The following FAM149A variants were observed in gnomAD, a reference collection of about 807,000 sequenced individuals.
The protein encoded by FAM149A is family with sequence similarity 149 member A.
Under a neutral mutation model 78.2 loss-of-function variants are expected in FAM149A, and 71 were observed. The observed-to-expected ratio is 0.91, with a 90% CI of 0.75 to 1.11. The LOEUF (loss-of-function observed/expected upper bound fraction) is 1.11, where lower values mean the gene tolerates loss of function less well. FAM149A is among the 50% of genes least tolerant of loss of function. FAM149A has a pLI of 0.00. For missense variants in FAM149A, 1,036 were observed against 971.0 expected (o/e 1.07, Z -0.89); for synonymous variants, 446 against 410.5 (o/e 1.09, Z -1.04).
Position 186,144,851 on chromosome 4 carries a change from T to C in FAM149A, c.567-4322T>C, listed in dbSNP as rs1172751274. 7.2e-6 allele frequency: 7 copies of C among 968,268 alleles called. No homozygotes were observed. The highest frequency in any genetic ancestry group is 6.6e-5 in the Admixed American group (1 of 15,076). 60.0% of individuals were successfully genotyped at this position (968,268 alleles called of 1,614,324 possible). Reference sequence around the variant, plus strand: ...GCCGGCGCGGGCGGGGCGGAGGATCTGGAGAGGGAAGGGGCGTGCGAGCCC... The same window carrying C: ...GCCGGCGCGGGCGGGGCGGAGGATCCGGAGAGGGAAGGGGCGTGCGAGCCC... On this transcript the variant is annotated intron_variant, in intron 1 of 13. Coordinates refer to ENST00000389354, the MANE Select transcript of FAM149A (RefSeq NM_001367768.3). This position sits in a 1 kb window ranked among gnomAD's most constrained non-coding sequence, Gnocchi z 4.2.
At chr4:186,154,108 G>T (rs998232130) in intron 5 of FAM149A, among the ~76,000 whole-genome samples, 1 of 152,170 alleles carries the variant, frequency 6.6e-6, no homozygotes, top group South Asian at 2.1e-4. Flanking sequence ...GCCTCCAGGC[G>T]GTGGCAGCAG....
In FAM149A at chr4:186,149,239, G is replaced by T. The variant is rs1035045578; in HGVS notation, c.633G>T (p.Thr211=). 6 of 1,289,040 alleles carry T rather than the reference G, an allele frequency of 4.7e-6. No homozygotes were observed. The highest frequency in any genetic ancestry group is 1.5e-5 in the African/African-American group (1 of 65,796). 79.9% of individuals were successfully genotyped at this position (1,289,040 alleles called of 1,614,324 possible). The stretch of plus-strand genomic sequence containing the variant: ...TGAGGAGCAAAGATTCTTTACCTAC[G>T]CATTTTACAAGAAATGTGCAGAAAG... Residue 211 remains threonine, a synonymous_variant, in exon 2 of 14, where the codon ACG becomes ACT. Transcript: ENST00000389354.
chr4:186,112,252 C>G (rs979991897), intron 1 of FAM149A, among the ~76,000 whole-genome samples: 1 of 151,184 alleles, frequency 6.6e-6, no homozygotes, highest in African/African-American at 2.4e-5. Context: ...ATTTTGTATC[C>G]TGAGACTTCG....
At position 186,153,707 on chromosome 4, in the gene FAM149A, C is replaced by G; in HGVS notation, c.995C>G (p.Thr332Ser). ...GGCGTCCAGCATTTCCAGGGCAGCACTCCTGCCTCCGCAGTCCACAGACCC... is the reference window on the plus strand; with the variant it reads ...GGCGTCCAGCATTTCCAGGGCAGCAGTCCTGCCTCCGCAGTCCACAGACCC... The change falls in exon 5 of 14, where the codon ACT (threonine) becomes AGT (serine). Residue 332 changes from threonine (T) to serine (S), a missense_variant. Around this residue, in one of 3 missense-constraint regions of FAM149A, gnomAD observed 716 missense variants for 711.8 expected, o/e 1.01. Coordinates refer to ENST00000389354, the MANE Select transcript of FAM149A (RefSeq NM_001367768.3). 2 of 1,614,086 alleles carry G rather than the reference C, an allele frequency of 1.2e-6. No homozygotes were observed. Among genetic ancestry groups the G allele is most frequent in the African/African-American group, 1.3e-5 (1 of 75,074 alleles).
chr4:186,122,312 G>A (rs892737422), intron 1 of FAM149A, among the ~76,000 whole-genome samples: 5 of 152,210 alleles, frequency 3.3e-5, no homozygotes, highest in Admixed American at 2.6e-4. Context: ...ACAATTTAAA[G>A]TATGGAATTT....
In FAM149A at chr4:186,151,927, T is replaced by C. The variant is rs375761611; in HGVS notation, c.814T>C (p.Ser272Pro). The C allele has an allele frequency of 6.2e-6, 10 of 1,614,002 alleles. No individual in the cohort carries two copies. The highest frequency in any genetic ancestry group is 7.6e-6 in the Non-Finnish European group (9 of 1,180,008). ...GGAATTTGACGAAGCCAGTTCACAG[T>C]CAGTGCAGCGGTTACTCTGGGAGGT... The change falls in exon 4 of 14, where the codon TCA becomes CCA. Residue 272 changes from serine (S) to proline (P), a missense_variant. By Grantham distance (74) the Ser-to-Pro change is moderately conservative (BLOSUM62 -1). Transcript: ENST00000389354.
At chr4:186,138,960 C>T (rs904861473) in intron 1 of FAM149A, among the ~76,000 whole-genome samples, 1 of 152,242 alleles carries the variant, frequency 6.6e-6, no homozygotes, top group African/African-American at 2.4e-5. Flanking sequence ...GGGAGACACA[C>T]ACCACTGGGG....
chr4:186,173,523 T>G lies in FAM149A; in HGVS notation c.*1536T>G, dbSNP rs751770224. On this transcript the variant is annotated 3_prime_UTR_variant, in exon 14 of 14. Coordinates refer to ENST00000389354, the MANE Select transcript of FAM149A (RefSeq NM_001367768.3). ...GCATGCCACCACACCCAGCTAAATT[T>G]TTTTTGTATTTTTAGTAGAGGCAGG... Among the ~76,000 whole-genome samples the G allele has an allele frequency of 4.5e-5, 5 of 110,954 alleles. 1 individual carries two copies. The highest frequency in any genetic ancestry group is 1.1e-4 in the Non-Finnish European group (5 of 44,006). The allele number at this position is 110,954 out of a possible 152,430, so 72.8% of individuals were successfully genotyped here.
At chr4:186,169,474 AT>A (rs1329560411) in intron 13 of FAM149A, 20 of 985,294 alleles carry the variant, frequency 2.0e-5, no homozygotes, top group Non-Finnish European at 2.4e-5. Context: ...CCTAAGTCTT[AT>A]CCCTCAAAAG....
intron 1 of FAM149A, among the ~76,000 whole-genome samples, chr4:186,108,711 C>T (rs924571530): frequency 6.6e-6 from 1 of 152,154 alleles, no homozygotes; most frequent in Non-Finnish European, 1.5e-5. Flanking sequence ...TGATCTTCAC[C>T]TTGGCTTCCC....
chr4:186,108,176 T>A (rs879528800), intron 1 of FAM149A, among the ~76,000 whole-genome samples: 17 of 152,290 alleles, frequency 1.1e-4, no homozygotes, highest in Non-Finnish European at 2.5e-4. Context: ...AATCAGGAAT[T>A]TAAATTTCAA....
At chr4:186,107,366 T>A (rs2099309206) in intron 1 of FAM149A, 1 of 152,232 alleles carries the variant, frequency 6.6e-6, no homozygotes. Flanking sequence ...AAGAGATTAT[T>A]CTGAATTAAC....
intron 1 of FAM149A, chr4:186,125,238 T>C: frequency 1.0e-6 from 1 of 985,078 alleles, no homozygotes; most frequent in Non-Finnish European, 1.2e-6. Flanking sequence ...TTTCTCTAAG[T>C]AATGATGCAG....
intron 1 of FAM149A, among the ~76,000 whole-genome samples, chr4:186,106,869 GA>G (rs2150073953): frequency 6.6e-6 from 1 of 152,246 alleles, no homozygotes; most frequent in South Asian, 2.1e-4. Context: ...ATGATGGCGT[GA>G]ACCCGGGAGG....
At chr4:186,158,449 C>T (rs138873509) in intron 8 of FAM149A, 1 of 1,144,894 alleles carries the variant, frequency 8.7e-7, no homozygotes, top group Non-Finnish European at 1.1e-6. Flanking sequence ...CACCATCCCC[C>T]AGGAACACCC....
chr4:186,162,399 C>A (rs1339570808), intron 8 of FAM149A, among the ~76,000 whole-genome samples: 1 of 152,196 alleles, frequency 6.6e-6, no homozygotes, highest in Non-Finnish European at 1.5e-5. Context: ...CTGCCTTCCT[C>A]ACCCTGGAGT....
At chr4:186,162,716 G>A (rs1236562823) in intron 8 of FAM149A, 129 bp from the exon 9 acceptor site, 1 of 615,020 alleles carries the variant, frequency 1.6e-6, no homozygotes, top group Non-Finnish European at 2.9e-6. Context: ...CCCTTTATTA[G>A]TTTTTCCTCC....
Position 186,171,927 on chromosome 4 carries a change from G to A in FAM149A, c.2232G>A (p.Val744=). Residue 744 remains valine (V), a synonymous_variant, in exon 14 of 14, where the codon GTG becomes GTA. Coordinates refer to ENST00000389354, the MANE Select transcript of FAM149A (RefSeq NM_001367768.3). ...TGGTGTTTCCAGGTTCACAATATGT[G>A]CCTAAATCTTTTCAGAGGACAACTT... The A allele has an allele frequency of 6.2e-7, 1 of 1,610,570 alleles. No individual in the cohort carries two copies. Among genetic ancestry groups the A allele is most frequent in the Non-Finnish European group, 8.5e-7 (1 of 1,178,750 alleles).
intron 1 of FAM149A, chr4:186,118,345 G>T (rs2099314599): frequency 1.8e-6 from 1 of 555,312 alleles, no homozygotes; most frequent in Admixed American, 6.3e-5. Flanking sequence ...GTAGCTACTT[G>T]TTCCCTGTCC....
Sources: gnomAD v4.1 joint callset for allele counts (sites outside exome capture counted in the v4.1 genomes callset) on GRCh38, gnomAD v4.1.1 for gene constraint, gnomAD v4.1.1 regional missense constraint, Gnocchi (gnomAD v3.1) non-coding constraint, MANE v1.5 for transcripts, NCBI Gene and HGNC (gene_info 2026-07-23, HGNC 2026-07-21) for gene names.